CTPS2: variants seen among roughly 807,000 people sequenced by gnomAD.
The protein encoded by CTPS2 is CTP synthase 2, also known as CTP synthase II.
A neutral mutation model predicts 46.8 loss-of-function variants in CTPS2; 19 were observed. The observed-to-expected ratio is 0.41, with a 90% CI of 0.28 to 0.60. The LOEUF (loss-of-function observed/expected upper bound fraction) is 0.60. Among genes scored for constraint, CTPS2 ranks in the 20% least tolerant of loss-of-function variants. CTPS2 has a pLI of 0.35. For missense variants in CTPS2, 286 were observed against 447.6 expected (o/e 0.64, Z 3.26); for synonymous variants, 151 against 165.2 (o/e 0.91, Z 0.66).
chrX:16,662,840 T>C (rs1160585237), intron 13 of CTPS2, among the ~76,000 whole-genome samples: 5 of 111,170 alleles, frequency 4.5e-5, no homozygotes, highest in Non-Finnish European at 9.4e-5. Context: ...CTTATGTGTA[T>C]AGGAGCCATC....
chrX:16,691,693 A>G (rs1274900778), intron 6 of CTPS2, 73 bp from the exon 7 acceptor site: 9 of 910,381 alleles, frequency 9.9e-6, no homozygotes, highest in Non-Finnish European at 1.3e-5. Context: ...TCTTTTTACA[A>G]GAAACTTGGC....
intron 13 of CTPS2, among the ~76,000 whole-genome samples, chrX:16,646,834 C>T: frequency 9.0e-6 from 1 of 111,558 alleles, no homozygotes; most frequent in Non-Finnish European, 1.9e-5. Flanking sequence ...AAATATGTTA[C>T]TCTTGGCTTT....
intron 8 of CTPS2, among the ~76,000 whole-genome samples, chrX:16,688,396 T>A (rs1923418533): frequency 9.7e-6 from 1 of 102,829 alleles, no homozygotes; most frequent in Admixed American, 1.1e-4. Flanking sequence ...TGACACTCCA[T>A]CTCAAAAAAA....
Position 16,609,615 on chromosome X carries a change from C to T in CTPS2, c.1617G>A (p.Pro539=), listed in dbSNP as rs140453605. The change falls in exon 17 of 19, where the codon CCG becomes CCA. Residue 539 remains proline (P), a synonymous_variant. Coordinates refer to ENST00000359276, the MANE Select transcript of CTPS2 (RefSeq NM_175859.3). ...FSSRPMKPSP[P]YLGLLLAATG... ...TTGCTGCAAGTAACAGCCCCAGATA[C>T]GGAGGGGAAGGCTTCATCGGCCTAG... 206 of 1,208,702 alleles carry T rather than the reference C, an allele frequency of 1.7e-4. No individual in the cohort carries two copies. Among genetic ancestry groups the T allele is most frequent in the Middle Eastern group, 6.9e-4 (3 of 4,349 alleles).
At chrX:16,698,667 C>T in intron 3 of CTPS2, among the ~76,000 whole-genome samples, 1 of 110,950 alleles carries the variant, frequency 9.0e-6, no homozygotes, top group Middle Eastern at 4.6e-3. Flanking sequence ...TCTCCTGCCT[C>T]AGCCTCCCGA....
At chrX:16,702,997 C>T in intron 1 of CTPS2, 56 bp from the exon 2 acceptor site, 1 of 759,584 alleles carries the variant, frequency 1.3e-6, no homozygotes, top group Non-Finnish European at 1.9e-6. Context: ...ACTAGTAAAG[C>T]AGACAGTGTA....
chrX:16,626,242 C>T (rs1408334201), intron 14 of CTPS2, among the ~76,000 whole-genome samples: 4 of 110,910 alleles, frequency 3.6e-5, no homozygotes, highest in African/African-American at 9.9e-5. Flanking sequence ...ATTAGCTGGG[C>T]GTGGTGGTGG....
chrX:16,659,832 G>T (rs1932903148), intron 13 of CTPS2, among the ~76,000 whole-genome samples: 1 of 110,829 alleles, frequency 9.0e-6, no homozygotes, highest in South Asian at 3.8e-4. Flanking sequence ...ATTAACTATG[G>T]TCCCCATGCT....
At chrX:16,644,452 C>A (rs760662683) in intron 13 of CTPS2, among the ~76,000 whole-genome samples, 18 of 111,509 alleles carry the variant, frequency 1.6e-4, no homozygotes, top group Non-Finnish European at 3.2e-4. Flanking sequence ...AATTGAGGCT[C>A]TTGAGAAGGG....
At chrX:16,695,128 T>A (rs1238266198) in intron 4 of CTPS2, among the ~76,000 whole-genome samples, 2 of 80,800 alleles carry the variant, frequency 2.5e-5, no homozygotes, top group Non-Finnish European at 4.4e-5. Flanking sequence ...TTTTTGAAAA[T>A]CATTTATTTT....
intron 13 of CTPS2, among the ~76,000 whole-genome samples, chrX:16,657,559 G>GC (rs1932849501): frequency 9.0e-6 from 1 of 111,334 alleles, no homozygotes; most frequent in Non-Finnish European, 1.9e-5. Flanking sequence ...TTGGTTACGT[G>GC]CTTCAAGAGG....
At chrX:16,634,474 A>G (rs996575862) in intron 14 of CTPS2, among the ~76,000 whole-genome samples, 1 of 111,949 alleles carries the variant, frequency 8.9e-6, no homozygotes, top group Non-Finnish European at 1.9e-5. Context: ...CATAGAACAC[A>G]GGAAGGGAAC....
At chrX:16,609,376 G>T (rs773148444) in intron 17 of CTPS2, among the ~76,000 whole-genome samples, 165 bp downstream of exon 17, 5 of 112,020 alleles carry the variant, frequency 4.5e-5, no homozygotes, top group African/African-American at 1.3e-4. Context: ...TACTACCGTA[G>T]GTGTGATTAA....
rs755881131 is a variant in CTPS2, at chrX:16,693,506, CAA to C, written c.439-21_439-20del. On this transcript the variant is annotated intron_variant, in intron 4 of 18. Transcript: ENST00000359276. ...CTCCCAGCTGGGAATGGAAAACAAA[CAA>C]AAAAAGACACAAATGACCACACATC... 9.8e-7 allele frequency: 1 copy of C among 1,020,609 alleles called. No individual in the cohort carries two copies. The highest frequency in any genetic ancestry group is 1.4e-6 in the Non-Finnish European group (1 of 728,755). The allele number at this position is 1,020,609 out of a possible 1,213,427, so 84.1% of individuals were successfully genotyped here.
At chrX:16,690,834 C>G (rs1923632282) in intron 7 of CTPS2, among the ~76,000 whole-genome samples, 1 of 112,444 alleles carries the variant, frequency 8.9e-6, no homozygotes, top group Non-Finnish European at 1.9e-5. Context: ...GTCAACTGAG[C>G]CCACTGATGG....
chrX:16,700,442 G>A (rs1305006319), intron 2 of CTPS2, among the ~76,000 whole-genome samples: 4 of 106,136 alleles, frequency 3.8e-5, no homozygotes, highest in African/African-American at 1.4e-4. Context: ...TAGAGACAGA[G>A]TTTCGCCATG....
intron 16 of CTPS2, among the ~76,000 whole-genome samples, chrX:16,611,732 T>C (rs183708215): frequency 1.3e-4 from 14 of 111,161 alleles, no homozygotes; most frequent in African/African-American, 4.2e-4. Context: ...GTGAGTTCTA[T>C]AGGACAGCTC....
At chrX:16,703,970 A>G (rs1185958885) in intron 1 of CTPS2, among the ~76,000 whole-genome samples, 1 of 95,568 alleles carries the variant, frequency 1.0e-5, no homozygotes, top group Non-Finnish European at 2.1e-5. Flanking sequence ...ACAGGGTCTC[A>G]CTCTGTTGCC....
At chrX:16,683,977 G>A (rs1258159720) in intron 8 of CTPS2, among the ~76,000 whole-genome samples, 1 of 111,711 alleles carries the variant, frequency 9.0e-6, no homozygotes, top group Non-Finnish European at 1.9e-5. Context: ...ATTTTTATGA[G>A]AAAAATTCCA....
Sources: gnomAD v4.1 joint callset for allele counts (sites outside exome capture counted in the v4.1 genomes callset) on GRCh38, gnomAD v4.1.1 for gene constraint, MANE v1.5 for transcripts, NCBI Gene and HGNC (gene_info 2026-07-23, HGNC 2026-07-21) for gene names.